The following ARRB1 variants were observed in gnomAD, a reference collection of about 807,000 sequenced individuals.
The protein encoded by ARRB1 is arrestin beta 1, also known as beta-arrestin-1.
In ARRB1, 21 loss-of-function variants were observed where a neutral mutation model predicts 56.8. The ratio of observed to expected loss-of-function variants is 0.37; its 90% confidence interval spans 0.26 to 0.53. The LOEUF is 0.53. Ranked by LOEUF, ARRB1 falls within the 20% of genes least tolerant of loss-of-function variation. The probability of loss-of-function intolerance (pLI) is 0.88; values close to 1 mark genes in which losing one functional copy is unlikely to be tolerated. For missense variants in ARRB1, 424 were observed against 553.7 expected (o/e 0.77, Z 2.35); for synonymous variants, 210 against 218.6 (o/e 0.96, Z 0.35).
intron 1 of ARRB1, among the ~76,000 whole-genome samples, chr11:75,344,799 G>A (rs1239016105): frequency 6.6e-6 from 1 of 152,166 alleles, no homozygotes; most frequent in African/African-American, 2.4e-5. Context: ...GGAAGAAAGA[G>A]TTCAGTCCAG....
chr11:75,317,028 T>C (rs1947277325), intron 1 of ARRB1, among the ~76,000 whole-genome samples: 1 of 152,164 alleles, frequency 6.6e-6, no homozygotes, highest in Non-Finnish European at 1.5e-5. Context: ...ATCGAGCTAC[T>C]ACTGCCCTCC....
In ARRB1 at chr11:75,265,990, G is replaced by A. The variant is rs1376187833; in HGVS notation, c.*173C>T. On this transcript the variant is annotated 3_prime_UTR_variant, in exon 16 of 16. Coordinates refer to ENST00000420843, the MANE Select transcript of ARRB1 (RefSeq NM_004041.5). ...GCTGTGGTCCTGTTGGCGTGGTGAT[G>A]TGGGGCCAATCCTGAGGCCAGAGGT... 5 of 612,422 alleles carry A rather than the reference G, an allele frequency of 8.2e-6. No individual in the cohort carries two copies. Among genetic ancestry groups the A allele is most frequent in the Admixed American group, 5.3e-5 (2 of 37,460 alleles). 37.9% of individuals were successfully genotyped at this position (612,422 alleles called of 1,614,324 possible). A position where few individuals can be genotyped will look rare whatever the true frequency, so the allele number is the denominator to read the frequency against.
chr11:75,306,848 ACGGG>A lies in ARRB1; in HGVS notation c.21-16813_21-16810del, dbSNP rs1165519903. Reference sequence around the variant, plus strand: ...CTGGCAGCACTCTGCCTGTACACAGACGGGCAGGGGGTGAGGGTCTCCCCAAGGA... The same window carrying A: ...CTGGCAGCACTCTGCCTGTACACAGACAGGGGGTGAGGGTCTCCCCAAGGA... On this transcript the variant is annotated intron_variant, in intron 1 of 15. Transcript: ENST00000420843. 8.0e-6 allele frequency: 3 copies of A among 373,176 alleles called. No homozygotes were observed. The East Asian group carries it at 2.2e-4, about 28-fold the overall frequency. The allele number at this position is 373,176 out of a possible 1,614,324, so 23.1% of individuals were successfully genotyped here.
At chr11:75,306,569 G>C in intron 1 of ARRB1, 1 of 1,279,830 alleles carries the variant, frequency 7.8e-7, no homozygotes, top group Non-Finnish European at 1.0e-6. Context: ...TTACAGATGA[G>C]AGCCCAAAGA....
chr11:75,345,704 G>A (rs1029151383), intron 1 of ARRB1, among the ~76,000 whole-genome samples: 1 of 152,180 alleles, frequency 6.6e-6, no homozygotes, highest in Admixed American at 6.5e-5. Context: ...CTGTCCCTCA[G>A]GACTTCCCAG....
intron 6 of ARRB1, 195 bp downstream of exon 6, chr11:75,281,767 G>A (rs142302276): frequency 6.4e-4 from 387 of 609,302 alleles, no homozygotes; most frequent in Non-Finnish European, 1.0e-3. Flanking sequence ...ATGGGAGAGT[G>A]AGGCTGACCC....
At chr11:75,285,918 C>T (rs34674786) in intron 3 of ARRB1, among the ~76,000 whole-genome samples, 1,673 of 152,300 alleles carry the variant, frequency 0.011, 43 homozygotes, top group African/African-American at 0.039. Context: ...CAGATGAACA[C>T]CAGGATGCCT....
intron 1 of ARRB1, among the ~76,000 whole-genome samples, chr11:75,296,670 A>G (rs1325884240): frequency 1.3e-5 from 2 of 152,054 alleles, no homozygotes; most frequent in African/African-American, 2.4e-5. Flanking sequence ...TCAGCTAAAC[A>G]AGGAATTTTT....
chr11:75,291,459 C>T (rs1279033944), intron 1 of ARRB1, among the ~76,000 whole-genome samples: 1 of 152,098 alleles, frequency 6.6e-6, no homozygotes, highest in Admixed American at 6.6e-5. Context: ...AAACTGAAGC[C>T]CAGGAAAGGC....
intron 1 of ARRB1, among the ~76,000 whole-genome samples, chr11:75,334,179 A>G (rs1947565155): frequency 6.6e-6 from 1 of 151,932 alleles, no homozygotes; most frequent in South Asian, 2.1e-4. Context: ...AAAATACAAA[A>G]ATTAGCTGGG....
chr11:75,311,795 G>C (rs1947167029), intron 1 of ARRB1, among the ~76,000 whole-genome samples: 1 of 152,210 alleles, frequency 6.6e-6, no homozygotes, highest in Non-Finnish European at 1.5e-5. Flanking sequence ...TCTTCTCACT[G>C]AAGTGGGGGA....
At position 75,261,588 on chromosome 11, in the gene ARRB1, G is replaced by GC. The variant is rs1011458773; in HGVS notation, c.*4574dup. The GC allele has an allele frequency of 6.6e-6, 1 of 152,164 alleles. No homozygotes were observed. The highest frequency in any genetic ancestry group is 2.4e-5 in the African/African-American group (1 of 41,428). The allele number at this position is 152,164 out of a possible 1,614,324, so 9.4% of individuals were successfully genotyped here. A position where few individuals can be genotyped will look rare whatever the true frequency, so the allele number is the denominator to read the frequency against. On this transcript the variant is annotated 3_prime_UTR_variant, in exon 16 of 16. Coordinates refer to ENST00000420843, the MANE Select transcript of ARRB1 (RefSeq NM_004041.5). ...CTGTGTCAGTGTCTACAAACCATAGGCCCCACGGACCTGTGCTTTGACTTC... is the reference window on the plus strand; with the variant it reads ...CTGTGTCAGTGTCTACAAACCATAGGCCCCCACGGACCTGTGCTTTGACTTC...
intron 1 of ARRB1, among the ~76,000 whole-genome samples, chr11:75,336,583 G>C (rs1449534009): frequency 6.6e-6 from 1 of 152,174 alleles, no homozygotes; most frequent in African/African-American, 2.4e-5. Flanking sequence ...ATTTGCCCAG[G>C]AGTGAGCTGA....
At chr11:75,316,057 G>A (rs757901916) in intron 1 of ARRB1, among the ~76,000 whole-genome samples, 2 of 152,196 alleles carry the variant, frequency 1.3e-5, no homozygotes, top group South Asian at 2.1e-4. Context: ...GTGGGGTGCC[G>A]TGGCTCATGC....
At chr11:75,274,001 G>T in intron 11 of ARRB1, 73 bp downstream of exon 11, 1 of 1,601,102 alleles carries the variant, frequency 6.2e-7, no homozygotes, top group Non-Finnish European at 8.5e-7. Flanking sequence ...TTTGAACTGG[G>T]GGGACCAAGG....
At chr11:75,303,670 C>T (rs1345550304) in intron 1 of ARRB1, 1 of 456,198 alleles carries the variant, frequency 2.2e-6, no homozygotes, top group East Asian at 6.9e-5. Context: ...AAGGCAGACA[C>T]TCAGTGAACA....
At chr11:75,294,599 AAATAAAT>A (rs1565122590) in intron 1 of ARRB1, among the ~76,000 whole-genome samples, 16 of 64,754 alleles carry the variant, frequency 2.5e-4, no homozygotes, top group African/African-American at 9.5e-4. Flanking sequence ...ATAAATAAAT[AAATAAAT>A]AACTTAAAAT....
In ARRB1 at chr11:75,282,017, G is replaced by A. The variant is rs765230926; in HGVS notation, c.359C>T (p.Pro120Leu). 6.2e-7 allele frequency: 1 copy of A among 1,614,112 alleles called. No homozygotes were observed. Among genetic ancestry groups the A allele is most frequent in the Admixed American group, 1.7e-5 (1 of 60,016 alleles). ...EHAYPFTFEIPPNLPCSVTLQ... is the reference protein window; with the variant it reads ...EHAYPFTFEILPNLPCSVTLQ... Reference sequence around the variant, plus strand: ...TGTCACAGAACATGGAAGGTTTGGAGGGATCTGTCAAGAAGAGGACAGAAC... The same window carrying A: ...TGTCACAGAACATGGAAGGTTTGGAAGGATCTGTCAAGAAGAGGACAGAAC... The change falls in exon 6 of 16, where the codon CCT (proline) becomes CTT (leucine). Residue 120 changes from proline (P) to leucine (L), a missense_variant. Physicochemically the swap from Pro to Leu is moderately conservative, Grantham distance 98. Around this residue, in one of 3 missense-constraint regions of ARRB1, gnomAD observed 301 missense variants for 387.9 expected, o/e 0.78. Transcript: ENST00000420843.
intron 1 of ARRB1, among the ~76,000 whole-genome samples, chr11:75,324,569 A>C (rs947667153): frequency 2.0e-5 from 3 of 152,088 alleles, no homozygotes; most frequent in Non-Finnish European, 4.4e-5. Context: ...GCCCTCCCTG[A>C]TCACCGTTGC....
Sources: allele counts gnomAD v4.1 joint callset (sites outside exome capture counted in the v4.1 genomes callset), GRCh38; gene constraint gnomAD v4.1.1; regional missense constraint gnomAD v4.1.1; transcripts MANE v1.5; gene names NCBI Gene and HGNC (gene_info 2026-07-23, HGNC 2026-07-21).